The following MARCHF3 variants were observed in gnomAD, a reference collection of about 807,000 sequenced individuals.
The protein encoded by MARCHF3 is E3 ubiquitin-protein ligase MARCHF3.
In MARCHF3, 13 loss-of-function variants were observed where a neutral mutation model predicts 24.2. The observed-to-expected ratio is 0.54, with a 90% CI of 0.35 to 0.85. The LOEUF is 0.85. Among genes scored for constraint, MARCHF3 ranks in the 40% least tolerant of loss-of-function variants. MARCHF3 has a pLI of 0.01. For missense variants in MARCHF3, 276 were observed against 325.0 expected, an observed-to-expected ratio of 0.85 and a Z score of 1.16; for synonymous variants, 144 against 137.3, an observed-to-expected ratio of 1.05 and a Z score of -0.34.
chr5:126,962,957 T>C lies in MARCHF3; in HGVS notation c.-56-44730A>G, dbSNP rs370496597. Among the ~76,000 whole-genome samples, 24 of 152,210 alleles carry C rather than the reference T, an allele frequency of 1.6e-4. No homozygotes were observed. The South Asian group carries it at 5.0e-3, about 32-fold the overall frequency. On this transcript the variant is annotated intron_variant, in intron 1 of 4. Coordinates refer to ENST00000308660, the MANE Select transcript of MARCHF3 (RefSeq NM_178450.5). Reference sequence around the variant, plus strand: ...ACTCCATTTTATAATGATTTTTTCATGAGAAAGTGTTTTCTTTCTGCCTGT... The same window carrying C: ...ACTCCATTTTATAATGATTTTTTCACGAGAAAGTGTTTTCTTTCTGCCTGT...
intron 1 of MARCHF3, among the ~76,000 whole-genome samples, chr5:127,007,705 A>C (rs1053801257): frequency 2.0e-5 from 3 of 152,106 alleles, no homozygotes; most frequent in African/African-American, 7.2e-5. Context: ...CTCCATTTTC[A>C]TATTGTTCAT....
At chr5:126,991,882 G>C (rs1162447170) in intron 1 of MARCHF3, among the ~76,000 whole-genome samples, 1 of 152,134 alleles carries the variant, frequency 6.6e-6, no homozygotes, top group African/African-American at 2.4e-5. Context: ...GCAGGTTAGA[G>C]TCTCAAAGAT....
rs949913750 is a variant in MARCHF3, at chr5:127,028,488, G to A, written c.-57+1862C>T. Among the ~76,000 whole-genome samples the A allele has an allele frequency of 2.6e-5, 4 of 151,152 alleles. No individual in the cohort carries two copies. In the South Asian group the frequency reaches 8.4e-4, roughly 32 times the overall value. ...CCAGGTTATAAATTCCTAAAAGTAT[G>A]TTTCATTAGAAATACCAAGGCAGTC... On this transcript the variant is annotated intron_variant, in intron 1 of 4. Coordinates refer to ENST00000308660, the MANE Select transcript of MARCHF3 (RefSeq NM_178450.5).
intron 1 of MARCHF3, among the ~76,000 whole-genome samples, chr5:126,998,768 A>T (rs974303936): frequency 1.3e-5 from 2 of 151,936 alleles, no homozygotes; most frequent in Non-Finnish European, 2.9e-5. Flanking sequence ...CCCCTGTCCC[A>T]CTCTCTCCCT....
chr5:127,013,078 T>C (rs968818982), intron 1 of MARCHF3, among the ~76,000 whole-genome samples: 1 of 152,148 alleles, frequency 6.6e-6, no homozygotes, highest in Non-Finnish European at 1.5e-5. Flanking sequence ...TGCTTTCTAG[T>C]GGAAGTGAAT....
intron 1 of MARCHF3, among the ~76,000 whole-genome samples, chr5:126,985,029 T>TGTGAGTGGTGAGGAA (rs1307279270): frequency 6.6e-6 from 1 of 151,964 alleles, no homozygotes; most frequent in Admixed American, 6.6e-5. Context: ...CAAAGGTGGG[T>TGTGAGTGGTGAGGAA]GTGAGTGGTG....
chr5:126,997,732 G>A (rs1162876583), intron 1 of MARCHF3, among the ~76,000 whole-genome samples: 1 of 152,138 alleles, frequency 6.6e-6, no homozygotes, highest in African/African-American at 2.4e-5. Flanking sequence ...ATGCTTTTCT[G>A]CAAATCTCTT....
At chr5:126,905,433 C>A (rs1216044695) in intron 3 of MARCHF3, among the ~76,000 whole-genome samples, 4 of 145,752 alleles carry the variant, frequency 2.7e-5, no homozygotes, top group Non-Finnish European at 4.5e-5. Flanking sequence ...GATATTGATT[C>A]TTCCTACCCA....
intron 3 of MARCHF3, among the ~76,000 whole-genome samples, chr5:126,906,629 T>C (rs1207751342): frequency 1.3e-5 from 2 of 152,200 alleles, no homozygotes; most frequent in African/African-American, 2.4e-5. Context: ...TATTCTCTCA[T>C]GGTAGTTTGT....
chr5:126,929,194 A>T (rs923022407), intron 1 of MARCHF3, among the ~76,000 whole-genome samples: 4 of 152,100 alleles, frequency 2.6e-5, no homozygotes, highest in African/African-American at 9.7e-5. Context: ...TCCATTTTTT[A>T]AATTTGTCTG....
At chr5:127,015,314 A>T (rs542938890) in intron 1 of MARCHF3, among the ~76,000 whole-genome samples, 1 of 152,332 alleles carries the variant, frequency 6.6e-6, no homozygotes, top group African/African-American at 2.4e-5. Context: ...GGCTGACACC[A>T]TGTGAAGAGA....
At chr5:126,959,932 C>T (rs1472448543) in intron 1 of MARCHF3, among the ~76,000 whole-genome samples, 1 of 152,104 alleles carries the variant, frequency 6.6e-6, no homozygotes, top group Admixed American at 6.6e-5. Flanking sequence ...TATAGTTCCA[C>T]CGAAGGCACT....
At chr5:126,952,685 G>C (rs972097149) in intron 1 of MARCHF3, among the ~76,000 whole-genome samples, 1 of 151,804 alleles carries the variant, frequency 6.6e-6, no homozygotes, top group East Asian at 1.9e-4. Context: ...ATGCCTAAAC[G>C]TTTATTTCTT....
chr5:126,891,008 T>C (rs1455888971), intron 3 of MARCHF3, among the ~76,000 whole-genome samples: 1 of 150,902 alleles, frequency 6.6e-6, no homozygotes, highest in Non-Finnish European at 1.5e-5. Flanking sequence ...TATCTCATTG[T>C]GGTTTTGATT....
intron 1 of MARCHF3, among the ~76,000 whole-genome samples, chr5:126,975,607 T>G (rs2126832476): frequency 6.6e-6 from 1 of 152,318 alleles, no homozygotes; most frequent in East Asian, 1.9e-4. Context: ...CCAGATGCCC[T>G]GGGAAGATCT....
intron 1 of MARCHF3, among the ~76,000 whole-genome samples, chr5:127,028,066 T>G (rs1753059969): frequency 6.6e-6 from 1 of 152,224 alleles, no homozygotes; most frequent in Non-Finnish European, 1.5e-5. Context: ...ACTCACAGAT[T>G]AGTGTTTTGC....
chr5:126,972,468 T>C (rs1751051602), intron 1 of MARCHF3, among the ~76,000 whole-genome samples: 1 of 152,192 alleles, frequency 6.6e-6, no homozygotes, highest in African/African-American at 2.4e-5. Context: ...TGTGCTTTTA[T>C]GGGGGAGGAG....
chr5:127,019,562 T>C (rs1290705388), intron 1 of MARCHF3, among the ~76,000 whole-genome samples: 2 of 152,234 alleles, frequency 1.3e-5, no homozygotes, highest in Non-Finnish European at 2.9e-5. Context: ...GGCAGCTATG[T>C]GCTGTAGATA....
chr5:126,999,419 T>A (rs1249927169), intron 1 of MARCHF3, among the ~76,000 whole-genome samples: 1 of 152,198 alleles, frequency 6.6e-6, no homozygotes, highest in East Asian at 1.9e-4. Context: ...GGCAAAGACC[T>A]GGATGGCTTG....
Sources: gnomAD v4.1 joint callset for allele counts (sites outside exome capture counted in the v4.1 genomes callset) on GRCh38, gnomAD v4.1.1 for gene constraint, MANE v1.5 for transcripts, NCBI Gene and HGNC (gene_info 2026-07-23, HGNC 2026-07-21) for gene names.